HS6ST3: variants seen among roughly 807,000 people sequenced by gnomAD.
HS6ST3 encodes heparan sulfate 6-O-sulfotransferase 3.
Under a neutral mutation model 36.7 loss-of-function variants are expected in HS6ST3, and 12 were observed. The ratio of observed to expected loss-of-function variants is 0.33; its 90% CI spans 0.21 to 0.53. The LOEUF is 0.53. Among genes scored for constraint, HS6ST3 ranks in the 20% least tolerant of loss-of-function variants. HS6ST3 has a pLI of 0.95. For missense variants in HS6ST3, 584 were observed against 640.9 expected, an observed-to-expected ratio of 0.91 and a Z score of 0.96; for synonymous variants, 240 against 257.5, an observed-to-expected ratio of 0.93 and a Z score of 0.65.
intron 1 of HS6ST3, among the ~76,000 whole-genome samples, chr13:96,795,463 G>C (rs1343774774): frequency 1.3e-5 from 2 of 152,012 alleles, no homozygotes; most frequent in South Asian, 4.1e-4. Context: ...AGGCCATGTA[G>C]CTCATCAGTG....
chr13:96,405,493 T>C (rs548521465), intron 1 of HS6ST3, among the ~76,000 whole-genome samples: 6 of 152,340 alleles, frequency 3.9e-5, no homozygotes, highest in African/African-American at 1.4e-4. Flanking sequence ...CCATGCCTTA[T>C]TTCTCATAGG....
chr13:96,700,493 C>T (rs1019674792), intron 1 of HS6ST3, among the ~76,000 whole-genome samples: 18 of 152,114 alleles, frequency 1.2e-4, no homozygotes, highest in African/African-American at 4.1e-4. Context: ...GCATTTCTTT[C>T]CTGTTTACTT....
intron 1 of HS6ST3, among the ~76,000 whole-genome samples, chr13:96,334,662 G>T (rs1425608031): frequency 2.0e-5 from 3 of 152,080 alleles, no homozygotes; most frequent in East Asian, 3.9e-4. Flanking sequence ...AAGAAGGAGG[G>T]TTTTCCCCTT....
intron 1 of HS6ST3, among the ~76,000 whole-genome samples, chr13:96,122,896 A>T (rs966434239): frequency 2.0e-5 from 3 of 152,132 alleles, no homozygotes; most frequent in African/African-American, 7.2e-5. Context: ...TGCCAGTTAG[A>T]TTGCCAAATA....
chr13:96,795,715 A>G (rs545770058), intron 1 of HS6ST3, among the ~76,000 whole-genome samples: 1 of 152,252 alleles, frequency 6.6e-6, no homozygotes, highest in East Asian at 1.9e-4. Context: ...GGGCCCAAAG[A>G]GAATCCTATC....
chr13:96,439,228 C>G (rs960384579), intron 1 of HS6ST3, among the ~76,000 whole-genome samples: 9 of 152,092 alleles, frequency 5.9e-5, no homozygotes, highest in African/African-American at 1.7e-4. Context: ...TCAGTTGGTC[C>G]TGGTCCTCTT....
chr13:96,678,824 C>T (rs938736314), intron 1 of HS6ST3, among the ~76,000 whole-genome samples: 1 of 152,042 alleles, frequency 6.6e-6, no homozygotes, highest in African/African-American at 2.4e-5. Context: ...TACTAATTAC[C>T]TCCCTATCCC....
intron 1 of HS6ST3, among the ~76,000 whole-genome samples, chr13:96,215,754 G>A (rs559134062): frequency 2.0e-5 from 3 of 151,900 alleles, no homozygotes; most frequent in Admixed American, 1.3e-4. Context: ...ATAGTGTCAC[G>A]GTTAGGATAT....
At chr13:96,212,612 G>A (rs1274666703) in intron 1 of HS6ST3, among the ~76,000 whole-genome samples, 1 of 152,206 alleles carries the variant, frequency 6.6e-6, no homozygotes, top group Non-Finnish European at 1.5e-5. Flanking sequence ...GGCTGAGGTG[G>A]GAGGGTCACT....
chr13:96,640,206 T>A (rs1350668537), intron 1 of HS6ST3, among the ~76,000 whole-genome samples: 1 of 152,074 alleles, frequency 6.6e-6, no homozygotes, highest in Non-Finnish European at 1.5e-5. Context: ...AGTGTTCCCT[T>A]TTCTCTGTAG....
chr13:96,333,380 T>G (rs1200116254), intron 1 of HS6ST3, among the ~76,000 whole-genome samples: 1 of 152,206 alleles, frequency 6.6e-6, no homozygotes, highest in Non-Finnish European at 1.5e-5. Context: ...ATCATTAACC[T>G]GAAGTGATTA....
At chr13:96,264,256 C>T (rs1327620764) in intron 1 of HS6ST3, among the ~76,000 whole-genome samples, 3 of 152,080 alleles carry the variant, frequency 2.0e-5, no homozygotes, top group African/African-American at 4.8e-5. Flanking sequence ...TGTGCAAATA[C>T]CAGAAGAGGT....
chr13:96,722,785 T>G (rs1011853179), intron 1 of HS6ST3, among the ~76,000 whole-genome samples: 13 of 152,118 alleles, frequency 8.5e-5, no homozygotes, highest in African/African-American at 2.7e-4. Flanking sequence ...AAGACTAGTC[T>G]CAGCAACATG....
At chr13:96,530,902 G>C (rs2056132784) in intron 1 of HS6ST3, among the ~76,000 whole-genome samples, 1 of 152,118 alleles carries the variant, frequency 6.6e-6, no homozygotes, top group South Asian at 2.1e-4. Context: ...TCAAATTGCA[G>C]ATTTTGATTT....
chr13:96,763,716 G>T (rs1389669853), intron 1 of HS6ST3, among the ~76,000 whole-genome samples: 1 of 151,952 alleles, frequency 6.6e-6, no homozygotes, highest in African/African-American at 2.4e-5. Flanking sequence ...AATTGTAATG[G>T]TGCCTACCTC....
intron 1 of HS6ST3, among the ~76,000 whole-genome samples, chr13:96,754,011 G>T (rs751333364): frequency 6.6e-6 from 1 of 152,018 alleles, no homozygotes; most frequent in Non-Finnish European, 1.5e-5. Flanking sequence ...TAGAGACAGG[G>T]TTTCACCATG....
chr13:96,731,904 G>T (rs1020320371), intron 1 of HS6ST3, among the ~76,000 whole-genome samples: 1 of 151,868 alleles, frequency 6.6e-6, no homozygotes, highest in Non-Finnish European at 1.5e-5. Context: ...AATCCTCCTG[G>T]CTCCATCTCC....
intron 1 of HS6ST3, among the ~76,000 whole-genome samples, chr13:96,252,320 A>G (rs1264420767): frequency 6.6e-6 from 1 of 152,176 alleles, no homozygotes; most frequent in South Asian, 2.1e-4. Context: ...AGAAGGAGTC[A>G]TTTCCTCTAG....
At chr13:96,241,979 G>T (rs2054562751) in intron 1 of HS6ST3, among the ~76,000 whole-genome samples, 1 of 151,554 alleles carries the variant, frequency 6.6e-6, no homozygotes, top group South Asian at 2.1e-4. Context: ...CAGAGACGGG[G>T]TTTCACCGTG....
Sources: allele counts gnomAD v4.1 joint callset (sites outside exome capture counted in the v4.1 genomes callset), GRCh38; gene constraint gnomAD v4.1.1; transcripts MANE v1.5; gene names NCBI Gene and HGNC (gene_info 2026-07-23, HGNC 2026-07-21).